Variants in LANCL3 observed in about 807,000 individuals in gnomAD.
LANCL3 encodes lanC-like protein 3.
Under a neutral mutation model 26.5 loss-of-function variants are expected in LANCL3, and 19 were observed. That is an observed-to-expected ratio of 0.72 (90% confidence interval 0.50 to 1.05). LANCL3 has a LOEUF of 1.05. Among genes scored for constraint, LANCL3 ranks in the 50% least tolerant of loss-of-function variants. The probability of loss-of-function intolerance (pLI) is 0.00; values close to 1 mark genes in which losing one functional copy is unlikely to be tolerated. For synonymous variants in LANCL3, 160 were observed against 166.6 expected, an observed-to-expected ratio of 0.96 and a Z score of 0.30; for missense variants, 318 against 362.7, an observed-to-expected ratio of 0.88 and a Z score of 1.00.
intron 1 of LANCL3, among the ~76,000 whole-genome samples, chrX:37,584,907 C>G (rs1205159393): frequency 8.9e-6 from 1 of 111,866 alleles, no homozygotes; most frequent in Non-Finnish European, 1.9e-5. Context: ...AATTTTAGAT[C>G]TTTCCTGCTT....
At chrX:37,644,669 T>C (rs1291132570) in intron 1 of LANCL3, among the ~76,000 whole-genome samples, 1 of 112,465 alleles carries the variant, frequency 8.9e-6, no homozygotes, top group Non-Finnish European at 1.9e-5. Context: ...CATTTCTCTA[T>C]ACTCGGGAGG....
chrX:37,583,329 A>G (rs1333148230), intron 1 of LANCL3, among the ~76,000 whole-genome samples: 3 of 111,991 alleles, frequency 2.7e-5, no homozygotes, highest in African/African-American at 9.8e-5. Flanking sequence ...TGAACTTTAA[A>G]GTAGTTTTTT....
chrX:37,572,529 C>A, intron 1 of LANCL3, 86 bp downstream of exon 1: 1 of 794,814 alleles, frequency 1.3e-6, no homozygotes, highest in Non-Finnish European at 1.8e-6. Flanking sequence ...CAGCACTGTC[C>A]CGAGTTGCTC....
At position 37,659,472 on chromosome X, in the gene LANCL3, C is replaced by A. The variant is rs782377791; in HGVS notation, c.708C>A (p.His236Gln). The A allele has an allele frequency of 8.3e-7, 1 of 1,207,945 alleles. No individual in the cohort carries two copies. The highest frequency in any genetic ancestry group is 2.2e-5 in the Admixed American group (1 of 45,929). ...TGTTTGTTAATACAGGGGCAGCTCA[C>A]GGCTTGTCGTCTATTCTTCAGATGC... ...YYGTEYLGAA[H>Q]GLSSILQMLL... Residue 236 changes from histidine (H) to glutamine (Q), a missense_variant, in exon 3 of 5, where the codon CAC becomes CAA. Transcript: ENST00000378619.
intron 1 of LANCL3, among the ~76,000 whole-genome samples, chrX:37,604,435 G>T (rs782138585): frequency 3.7e-4 from 41 of 112,164 alleles, no homozygotes; most frequent in African/African-American, 1.3e-3. Context: ...GTTATTACTG[G>T]TGCGTAACAA....
At chrX:37,642,883 A>C (rs1255654173) in intron 1 of LANCL3, among the ~76,000 whole-genome samples, 8 of 112,476 alleles carry the variant, frequency 7.1e-5, no homozygotes, top group Non-Finnish European at 1.3e-4. Flanking sequence ...TTGGCCTTTC[A>C]AAATAGGAAG....
chrX:37,572,415 T>C lies in LANCL3; in HGVS notation c.545T>C (p.Leu182Pro), dbSNP rs1923624894. The change falls in exon 1 of 5, where the codon CTG becomes CCG. Residue 182 changes from leucine (L) to proline (P), a missense_variant. Leu to Pro is a moderately conservative substitution (Grantham distance 98). Transcript: ENST00000378619. ...CGCGCGGGTTACCTGTGTGCCGCGC[T>C]GGTGCTCAAGCAGAAACTCGCCCAG... ...VGRAGYLCAA[L>P]VLKQKLAQEV... 2.5e-6 allele frequency: 3 copies of C among 1,176,535 alleles called. No homozygotes were observed. The highest frequency in any genetic ancestry group is 2.5e-5 in the Admixed American group (1 of 40,545).
intron 1 of LANCL3, among the ~76,000 whole-genome samples, chrX:37,611,342 C>T (rs1468849870): frequency 9.0e-6 from 1 of 111,647 alleles, no homozygotes; most frequent in African/African-American, 3.3e-5. Context: ...TATACCTTGG[C>T]CATCTCCTCT....
chrX:37,617,121 TG>T (rs1239809647), intron 1 of LANCL3, among the ~76,000 whole-genome samples: 2 of 18,442 alleles, frequency 1.1e-4, no homozygotes, highest in African/African-American at 2.1e-4. Context: ...GAAAAGTGGG[TG>T]GGGGGGAGGG....
chrX:37,623,653 C>A (rs1438871640), intron 1 of LANCL3, among the ~76,000 whole-genome samples: 2 of 111,900 alleles, frequency 1.8e-5, no homozygotes, highest in Non-Finnish European at 3.8e-5. Flanking sequence ...AACTAGAATT[C>A]ATTTTTTAAA....
chrX:37,656,966 G>A (rs1331655850), intron 2 of LANCL3, among the ~76,000 whole-genome samples: 1 of 112,924 alleles, frequency 8.9e-6, no homozygotes, highest in Admixed American at 9.3e-5. Flanking sequence ...TGATAGAGAT[G>A]TGGAGAAATG....
intron 1 of LANCL3, among the ~76,000 whole-genome samples, chrX:37,624,169 C>T (rs1925247033): frequency 9.0e-6 from 1 of 111,406 alleles, no homozygotes; most frequent in Non-Finnish European, 1.9e-5. Context: ...AAAGAGGTAG[C>T]GCCTGTTGAC....
At chrX:37,599,859 T>G (rs1236341082) in intron 1 of LANCL3, among the ~76,000 whole-genome samples, 1 of 112,327 alleles carries the variant, frequency 8.9e-6, no homozygotes, top group Admixed American at 9.4e-5. Flanking sequence ...GGCACTCTGT[T>G]GACAGCATTC....
intron 1 of LANCL3, among the ~76,000 whole-genome samples, chrX:37,643,660 A>T (rs1556426268): frequency 8.9e-6 from 1 of 112,400 alleles, no homozygotes; most frequent in Non-Finnish European, 1.9e-5. Context: ...ATGAAGGGTC[A>T]TACATTGCTA....
intron 1 of LANCL3, among the ~76,000 whole-genome samples, chrX:37,646,756 C>T (rs184115816): frequency 2.0e-3 from 223 of 110,749 alleles, no homozygotes; most frequent in Non-Finnish European, 3.3e-3. Flanking sequence ...TGCCATCTTC[C>T]TGAGTTCCAG....
chrX:37,626,351 C>G (rs1359368255), intron 1 of LANCL3, among the ~76,000 whole-genome samples: 2 of 112,151 alleles, frequency 1.8e-5, no homozygotes, highest in African/African-American at 6.5e-5. Flanking sequence ...ATCTAAGCTT[C>G]TCCCAGAAGA....
chrX:37,646,466 A>G (rs1556426946), intron 1 of LANCL3, among the ~76,000 whole-genome samples: 1 of 112,787 alleles, frequency 8.9e-6, no homozygotes, highest in Non-Finnish European at 1.9e-5. Context: ...AGTGGATTCC[A>G]AGTGAACTAC....
At chrX:37,623,553 A>G (rs1925228318) in intron 1 of LANCL3, among the ~76,000 whole-genome samples, 1 of 112,456 alleles carries the variant, frequency 8.9e-6, no homozygotes, top group Non-Finnish European at 1.9e-5. Flanking sequence ...AAAAGCATTG[A>G]TTTTTAAAGG....
In LANCL3 at chrX:37,683,496, T is replaced by C. The variant is rs1247272938; in HGVS notation, c.*7683T>C. On this transcript the variant is annotated 3_prime_UTR_variant, in exon 5 of 5. Coordinates refer to ENST00000378619, the MANE Select transcript of LANCL3 (RefSeq NM_001170331.2). ...GTTACTACTTTAAAATCCTACTAATTTCCATTAGCACTAAATCAAACAGCA... is the reference window on the plus strand; with the variant it reads ...GTTACTACTTTAAAATCCTACTAATCTCCATTAGCACTAAATCAAACAGCA... 8.9e-6 allele frequency: 1 copy of C among 112,236 alleles called. No homozygotes were observed. Among genetic ancestry groups the C allele is most frequent in the East Asian group, 2.8e-4 (1 of 3,625 alleles). 9.2% of individuals were successfully genotyped at this position (112,236 alleles called of 1,213,427 possible).
Sources: gnomAD v4.1 joint callset for allele counts (sites outside exome capture counted in the v4.1 genomes callset) on GRCh38, gnomAD v4.1.1 for gene constraint, MANE v1.5 for transcripts, NCBI Gene and HGNC (gene_info 2026-07-23, HGNC 2026-07-21) for gene names.